ABR: variants seen among roughly 807,000 people sequenced by gnomAD.
The protein encoded by ABR is active breakpoint cluster region-related protein.
A neutral mutation model predicts 107.2 loss-of-function variants in ABR; 35 were observed. The ratio of observed to expected loss-of-function variants is 0.33; its 90% confidence interval spans 0.25 to 0.43. ABR has a LOEUF of 0.43. ABR is among the 20% of genes least tolerant of loss of function. ABR has a pLI of 1.00. For synonymous variants in ABR, 498 were observed against 462.0 expected (o/e 1.08, Z -1.00); for missense variants, 815 against 1,115.2 (o/e 0.73, Z 3.83).
intron 16 of ABR, among the ~76,000 whole-genome samples, chr17:1,018,066 G>A (rs996995880): frequency 3.3e-4 from 50 of 150,716 alleles, no homozygotes; most frequent in African/African-American, 1.2e-3. Context: ...TTTTTGAGAC[G>A]GAGTCTTGCT....
intron 2 of ABR, among the ~76,000 whole-genome samples, chr17:1,123,437 G>A (rs552915130): frequency 8.1e-4 from 123 of 152,328 alleles, no homozygotes; most frequent in African/African-American, 2.2e-3. Flanking sequence ...GCCCCGGAGC[G>A]CCAGGCGGGG....
intron 16 of ABR, among the ~76,000 whole-genome samples, chr17:1,045,586 C>T (rs912419926): frequency 6.6e-6 from 1 of 152,226 alleles, no homozygotes; most frequent in African/African-American, 2.4e-5. Context: ...GGCTCCTTAG[C>T]CCCAGCTTCC....
chr17:1,020,021 G>A (rs1051734185), intron 16 of ABR, among the ~76,000 whole-genome samples: 2 of 152,164 alleles, frequency 1.3e-5, no homozygotes, highest in East Asian at 1.9e-4. Flanking sequence ...AAAGGCGGAC[G>A]AACGACTGGG....
At chr17:1,038,709 C>T (rs1012239112) in intron 16 of ABR, among the ~76,000 whole-genome samples, 3 of 152,360 alleles carry the variant, frequency 2.0e-5, no homozygotes, top group African/African-American at 4.8e-5. Flanking sequence ...TGTGAGTCTG[C>T]GGTGGCCGCA....
In ABR at chr17:1,179,326, G is replaced by T. The variant is rs1023492865; in HGVS notation, c.61+341C>A. Among the ~76,000 whole-genome samples the T allele has an allele frequency of 6.6e-6, 1 of 152,100 alleles. No individual in the cohort carries two copies. Among genetic ancestry groups the T allele is most frequent in the African/African-American group, 2.4e-5 (1 of 41,422 alleles). On this transcript the variant is annotated intron_variant, in intron 1 of 22. Transcript: ENST00000302538. The surrounding 1 kb of genome is among the most constrained non-coding windows in gnomAD (Gnocchi z 4.9). ...GCACCCAGAAGGGCCTCCCTCCCCT[G>T]AGGCTCGCGGAGGCCGGGTTCACAA...
rs1161652258 is a variant in ABR, at chr17:1,013,092, A to G, written c.1851+13T>C. 6.2e-7 allele frequency: 1 copy of G among 1,613,802 alleles called. No individual in the cohort carries two copies. ...CCGGCTCACGCCACTGATCATTCCC[A>G]TCCCCGGCTCACCCCGTTCATCTCA... On this transcript the variant is annotated intron_variant, in intron 17 of 22. Transcript: ENST00000302538.
intron 1 of ABR, among the ~76,000 whole-genome samples, chr17:1,169,027 G>T (rs1350912846): frequency 6.6e-6 from 1 of 152,210 alleles, no homozygotes; most frequent in Non-Finnish European, 1.5e-5. Flanking sequence ...GGTCTCTCAT[G>T]ACCCTCCCCG....
intron 13 of ABR, 85 bp downstream of exon 13, chr17:1,056,913 T>C (rs1241612245): frequency 4.5e-6 from 4 of 883,620 alleles, no homozygotes; most frequent in South Asian, 1.4e-5. Context: ...TACAGCCACA[T>C]GTCTGTCTGA....
intron 2 of ABR, among the ~76,000 whole-genome samples, chr17:1,120,306 TC>T (rs1335680148): frequency 4.6e-5 from 7 of 152,166 alleles, no homozygotes; most frequent in Non-Finnish European, 8.8e-5. Context: ...TCTCACTCTG[TC>T]CCCCTGGCTG....
rs549209637 is a variant in ABR at position 1,195,729 on chromosome 17, G to A, written c.838+33064C>T. ...TGAGGCAGGAGAATGGTGTGAACCC[G>A]GGAGGCAAAGGTTGCAGTGAGCCGA... On this transcript the variant is annotated intron_variant, in intron 1 of 22. Coordinates refer to the ABR transcript ENST00000574139. Among the ~76,000 whole-genome samples the A allele has an allele frequency of 3.4e-4, 52 of 150,984 alleles. 2 individuals are homozygous for A. Among genetic ancestry groups the A allele is most frequent in the African/African-American group, 1.2e-3 (50 of 40,666 alleles).
chr17:1,076,714 C>CGGGGGGGGGGGGGGGGGG (rs376868048), intron 6 of ABR, among the ~76,000 whole-genome samples: 1 of 42,140 alleles, frequency 2.4e-5, no homozygotes, highest in Admixed American at 2.6e-4. Flanking sequence ...GGCAGGTGCA[C>CGGGGGGGGGGGGGGGGGG]GGGGGGGGTG....
chr17:1,203,256 C>A (rs2042705519), intron 1 of ABR, among the ~76,000 whole-genome samples: 1 of 151,628 alleles, frequency 6.6e-6, no homozygotes. Context: ...TTGGAAGGGG[C>A]TTCGGATCCA....
intron 1 of ABR, among the ~76,000 whole-genome samples, chr17:1,160,423 T>C (rs2041244174): frequency 6.6e-6 from 1 of 152,160 alleles, no homozygotes; most frequent in Non-Finnish European, 1.5e-5. Flanking sequence ...CAAATTCAGA[T>C]GAGGAAACAG....
chr17:1,166,646 G>A (rs2041519872), intron 1 of ABR, among the ~76,000 whole-genome samples: 2 of 152,200 alleles, frequency 1.3e-5, no homozygotes, highest in Non-Finnish European at 2.9e-5. Context: ...AGATGCTGCA[G>A]GCGCCTGGTC....
Position 1,014,401 on chromosome 17 carries a change from A to T in ABR, c.1792-1237T>A, listed in dbSNP as rs570660490. Among the ~76,000 whole-genome samples, 4 of 148,366 alleles carry T rather than the reference A, an allele frequency of 2.7e-5. No homozygotes were observed. The South Asian group carries it at 6.6e-4, about 25-fold the overall frequency. ...GCTTGCAGTGAGCCGAGATCGCGCC[A>T]CTGCACTCCAGCCTGGGCGACAGAG... On this transcript the variant is annotated intron_variant, in intron 16 of 22. Transcript: ENST00000302538.
rs1348942335 is a variant in ABR, at chr17:1,150,911, T to C, written c.62-25544A>G. On this transcript the variant is annotated intron_variant, in intron 1 of 22. Coordinates refer to ENST00000302538, the MANE Select transcript of ABR (RefSeq NM_021962.5). This position sits in a 1 kb window ranked among gnomAD's most constrained non-coding sequence, Gnocchi z 4.8. ...GCGTATGTGTGCATATATATACACA[T>C]GTGCACACACACACTCCTGGGGGTG... Among the ~76,000 whole-genome samples, 2 of 152,078 alleles carry C rather than the reference T, an allele frequency of 1.3e-5. No homozygotes were observed. The highest frequency in any genetic ancestry group is 2.4e-5 in the African/African-American group (1 of 41,402).
At position 1,157,665 on chromosome 17, in the gene ABR, G is replaced by A. The variant is rs557776892; in HGVS notation, c.61+22002C>T. On this transcript the variant is annotated intron_variant, in intron 1 of 22. Coordinates refer to ENST00000302538, the MANE Select transcript of ABR (RefSeq NM_021962.5). This position sits in a 1 kb window ranked among gnomAD's most constrained non-coding sequence, Gnocchi z 4.7. Reference sequence around the variant, plus strand: ...TGGAACACGCCCAGCGGAACAGGGGGAAGCCAACAATCCCGGCAGATGAAG... The same window carrying A: ...TGGAACACGCCCAGCGGAACAGGGGAAAGCCAACAATCCCGGCAGATGAAG... Among the ~76,000 whole-genome samples, 9 of 152,346 alleles carry A rather than the reference G, an allele frequency of 5.9e-5. No individual in the cohort carries two copies. The East Asian group carries it at 1.7e-3, about 29-fold the overall frequency.
intron 1 of ABR, among the ~76,000 whole-genome samples, chr17:1,206,384 CATTA>C (rs938772840): frequency 1.3e-5 from 2 of 152,172 alleles, no homozygotes; most frequent in African/African-American, 4.8e-5. Flanking sequence ...TGATTCACTA[CATTA>C]ATTTATTATT....
At position 1,049,601 on chromosome 17, in the gene ABR, A is replaced by G. The variant is rs372124817; in HGVS notation, c.1791+449T>C. ...TCAGAGACCCCCCTCCCCCCAAGCC[A>G]ACCAGCAGGACCCTAAGTCTTTCGG... On this transcript the variant is annotated intron_variant, in intron 16 of 22. Transcript: ENST00000302538. 4.0e-5 allele frequency among the ~76,000 whole-genome samples: 6 copies of G among 151,556 alleles called. No individual in the cohort carries two copies. In the East Asian group the frequency reaches 5.8e-4, roughly 15 times the overall value.
Sources: gnomAD v4.1 joint callset for allele counts (sites outside exome capture counted in the v4.1 genomes callset) on GRCh38, gnomAD v4.1.1 for gene constraint, Gnocchi (gnomAD v3.1) non-coding constraint, MANE v1.5 for transcripts, NCBI Gene and HGNC (gene_info 2026-07-23, HGNC 2026-07-21) for gene names.